Variants in IPO9 observed in about 807,000 individuals in gnomAD.
The protein encoded by IPO9 is importin 9.
Under a neutral mutation model 128.6 loss-of-function variants are expected in IPO9, and 28 were observed. That is an observed-to-expected ratio of 0.22 (90% CI 0.16 to 0.30). The LOEUF (loss-of-function observed/expected upper bound fraction) is 0.30, where lower values mean the gene tolerates loss of function less well. Ranked by LOEUF, IPO9 falls within the 10% of genes least tolerant of loss-of-function variation. The probability of loss-of-function intolerance (pLI) is 1.00; values close to 1 mark genes in which losing one functional copy is unlikely to be tolerated. For missense variants in IPO9, 935 were observed against 1,293.9 expected (o/e 0.72, Z 4.26); for synonymous variants, 455 against 475.8 (o/e 0.96, Z 0.57).
chr1:201,829,446 G>A (rs531831215), intron 1 of IPO9, 74 bp downstream of exon 1: 2 of 1,402,712 alleles, frequency 1.4e-6, no homozygotes, highest in East Asian at 6.0e-5. Context: ...ACCGGCTGGG[G>A]ACATGGGGAG....
intron 1 of IPO9, among the ~76,000 whole-genome samples, chr1:201,837,496 C>CT (rs935258189): frequency 1.8e-4 from 27 of 152,248 alleles, no homozygotes; most frequent in African/African-American, 6.3e-4. Flanking sequence ...CTTTTGTGAG[C>CT]TGTGAGCCTC....
chr1:201,837,067 A>G lies in IPO9; in HGVS notation c.163+7695A>G, dbSNP rs1679955917. Among the ~76,000 whole-genome samples the G allele has an allele frequency of 4.6e-5, 7 of 152,346 alleles. 2 individuals carry two copies. Among genetic ancestry groups the G allele is most frequent in the Admixed American group, 4.6e-4 (7 of 15,308 alleles). On this transcript the variant is annotated intron_variant, in intron 1 of 23. Transcript: ENST00000361565. ...CCATCTTAAAATACTTGTTGTAGGTACAGATCCCTTGGCTAACTTGGGTTT... is the reference window on the plus strand; with the variant it reads ...CCATCTTAAAATACTTGTTGTAGGTGCAGATCCCTTGGCTAACTTGGGTTT...
At chr1:201,845,342 G>A (rs1001841874) in intron 1 of IPO9, among the ~76,000 whole-genome samples, 2 of 152,164 alleles carry the variant, frequency 1.3e-5, no homozygotes, top group Non-Finnish European at 2.9e-5. Flanking sequence ...TATTTTGTGG[G>A]TGAGGAAGCT....
rs767682345 is a variant in IPO9, at chr1:201,868,807, G to A, written c.2004+11G>A. The A allele has an allele frequency of 4.6e-4, 14 of 30,526 alleles. No homozygotes were observed. The highest frequency in any genetic ancestry group is 2.0e-3 in the African/African-American group (11 of 5,368). The allele number at this position is 30,526 out of a possible 1,614,324, so 1.9% of individuals were successfully genotyped here. A position where few individuals can be genotyped will look rare whatever the true frequency, so the allele number is the denominator to read the frequency against. ...GCAGGGCTTTGTGCGGTAAGTGGCC[G>A]TGTGTGTGTGTGTGTGTGTGTGAGA... On this transcript the variant is annotated intron_variant, in intron 16 of 23. Coordinates refer to ENST00000361565, the MANE Select transcript of IPO9 (RefSeq NM_018085.5).
chr1:201,848,101 G>T (rs1680152659), intron 3 of IPO9, among the ~76,000 whole-genome samples: 1 of 152,170 alleles, frequency 6.6e-6, no homozygotes. Flanking sequence ...GCTACTAGCT[G>T]CATATGGCTG....
chr1:201,835,844 G>C (rs1679909464), intron 1 of IPO9, among the ~76,000 whole-genome samples: 1 of 152,242 alleles, frequency 6.6e-6, no homozygotes, highest in African/African-American at 2.4e-5. Context: ...GCACAGTGTG[G>C]CTCACTCCTG....
chr1:201,834,782 A>G (rs1256409459), intron 1 of IPO9, among the ~76,000 whole-genome samples: 19 of 152,154 alleles, frequency 1.2e-4, no homozygotes, highest in Non-Finnish European at 2.6e-4. Flanking sequence ...TTCTACCACC[A>G]TTATGTTGAA....
Position 201,878,153 on chromosome 1 carries a change from C to T in IPO9, c.*2099C>T, listed in dbSNP as rs549027903. 5.3e-5 allele frequency: 8 copies of T among 152,362 alleles called. No individual in the cohort carries two copies. The highest frequency in any genetic ancestry group is 1.7e-4 in the African/African-American group (7 of 41,572). 9.4% of individuals were successfully genotyped at this position (152,362 alleles called of 1,614,324 possible). ...GCCAGCCAGGTTCTGAGGCTAACTG[C>T]TTGTGCCCCTGCTGCTTCACATGGC... is the stretch of plus-strand genomic sequence containing the variant. On this transcript the variant is annotated 3_prime_UTR_variant, in exon 24 of 24. Transcript: ENST00000361565.
Position 201,847,580 on chromosome 1 carries a change from T to C in IPO9, c.254T>C (p.Val85Ala). 6.2e-7 allele frequency: 1 copy of C among 1,614,090 alleles called. No individual in the cohort carries two copies. Among genetic ancestry groups the C allele is most frequent in the Non-Finnish European group, 8.5e-7 (1 of 1,179,966 alleles). ...QLASVILKQY[V>A]ETHWCAQSEK... is the part of the protein sequence containing the mutation. ...GCATCAGTCATCTTGAAACAATATG[T>C]GGAGACTCACTGGTGTGCCCAATCA... is the stretch of plus-strand genomic sequence containing the variant. Residue 85 changes from valine (V) to alanine (A), a missense_variant, in exon 3 of 24, where the codon GTG (valine) becomes GCG (alanine). Val to Ala is a moderately conservative substitution (Grantham distance 64). This residue lies in a region of IPO9 where 741 missense variants were observed against 1,019.1 expected (regional missense o/e 0.73). Coordinates refer to ENST00000361565, the MANE Select transcript of IPO9 (RefSeq NM_018085.5).
At chr1:201,848,176 T>C (rs1288158634) in intron 3 of IPO9, among the ~76,000 whole-genome samples, 1 of 152,252 alleles carries the variant, frequency 6.6e-6, no homozygotes, top group Non-Finnish European at 1.5e-5. Flanking sequence ...AAAATGTTAA[T>C]AGCTATGTAT....
At chr1:201,864,139 G>C (rs1482116548) in intron 14 of IPO9, among the ~76,000 whole-genome samples, 3 of 152,084 alleles carry the variant, frequency 2.0e-5, no homozygotes, top group African/African-American at 7.2e-5. Flanking sequence ...AATATCTTAG[G>C]CTCAAACTTA....
Position 201,884,282 on chromosome 1 carries a change from A to G in IPO9, c.*8228A>G, listed in dbSNP as rs868454632. ...ATTGTGAGGATTAAATAAAGTTAAT[A>G]TAACACAAAGCACTTCGTAGTGCTG... On this transcript the variant is annotated 3_prime_UTR_variant, in exon 24 of 24. Transcript: ENST00000361565. The G allele has an allele frequency of 7.9e-5, 12 of 152,372 alleles. No homozygotes were observed. In the South Asian group the frequency reaches 2.3e-3, roughly 29 times the overall value. The allele number at this position is 152,372 out of a possible 1,614,324, so 9.4% of individuals were successfully genotyped here.
At chr1:201,835,487 A>T (rs1296656780) in intron 1 of IPO9, among the ~76,000 whole-genome samples, 3 of 152,242 alleles carry the variant, frequency 2.0e-5, no homozygotes, top group Non-Finnish European at 4.4e-5. Context: ...GGATAGGAAT[A>T]AAGGTATAAT....
Position 201,876,329 on chromosome 1 carries a change from A to G in IPO9, c.*275A>G. The G allele has an allele frequency of 5.4e-6, 3 of 551,272 alleles. No homozygotes were observed. Among genetic ancestry groups the G allele is most frequent in the Middle Eastern group, 5.1e-4 (1 of 1,972 alleles). The allele number at this position is 551,272 out of a possible 1,614,324, so 34.1% of individuals were successfully genotyped here. A position where few individuals can be genotyped will look rare whatever the true frequency, so the allele number is the denominator to read the frequency against. ...CGACTCTACCCCCACCTCTGTTCCT[A>G]GAGCCCTCTGCTGGCGAGTCCAGAA... On this transcript the variant is annotated 3_prime_UTR_variant, in exon 24 of 24. Coordinates refer to ENST00000361565, the MANE Select transcript of IPO9 (RefSeq NM_018085.5).
Position 201,870,971 on chromosome 1 carries a change from TA to T in IPO9, c.2409+115del. 1 of 1,356,418 alleles carries T rather than the reference TA, an allele frequency of 7.4e-7. No individual in the cohort carries two copies. Among genetic ancestry groups the T allele is most frequent in the South Asian group, 1.4e-5 (1 of 70,520 alleles). The allele number at this position is 1,356,418 out of a possible 1,614,324, so 84.0% of individuals were successfully genotyped here. On this transcript the variant is annotated intron_variant, in intron 18 of 23. Coordinates refer to ENST00000361565, the MANE Select transcript of IPO9 (RefSeq NM_018085.5). This position sits in a 1 kb window ranked among gnomAD's most constrained non-coding sequence, Gnocchi z 4.9. ...CCTCTTACTAGCCTTGTAGGACAGT[TA>T]AGTAAAATGGGACCTGTCTGATCTG... is the stretch of plus-strand genomic sequence containing the variant.
Position 201,876,416 on chromosome 1 carries a change from G to A in IPO9, c.*362G>A, listed in dbSNP as rs1246978378. On this transcript the variant is annotated 3_prime_UTR_variant, in exon 24 of 24. Coordinates refer to ENST00000361565, the MANE Select transcript of IPO9 (RefSeq NM_018085.5). Reference sequence around the variant, plus strand: ...ATTTTGCCCCGCCTCAGGAGCGCAGGAAGTCACTACCATTTATATTCTAAA... The same window carrying A: ...ATTTTGCCCCGCCTCAGGAGCGCAGAAAGTCACTACCATTTATATTCTAAA... The A allele has an allele frequency of 2.6e-6, 1 of 380,344 alleles. No homozygotes were observed. Among genetic ancestry groups the A allele is most frequent in the East Asian group, 6.5e-5 (1 of 15,414 alleles). 23.6% of individuals were successfully genotyped at this position (380,344 alleles called of 1,614,324 possible).
At chr1:201,839,398 G>T (rs756742614) in intron 1 of IPO9, among the ~76,000 whole-genome samples, 2 of 151,644 alleles carry the variant, frequency 1.3e-5, no homozygotes, top group Admixed American at 6.6e-5. Context: ...TGTATTTTTC[G>T]TAGAGACGGG....
At chr1:201,843,796 C>G (rs1235703934) in intron 1 of IPO9, among the ~76,000 whole-genome samples, 1 of 143,808 alleles carries the variant, frequency 7.0e-6, no homozygotes, top group African/African-American at 2.6e-5. Context: ...CCACTGCACT[C>G]TAGTCTGGGT....
chr1:201,854,982 TG>T, intron 8 of IPO9, 59 bp downstream of exon 8: 1 of 1,438,680 alleles, frequency 7.0e-7, no homozygotes, highest in South Asian at 1.3e-5. Flanking sequence ...AATCTCGCAC[TG>T]GGTTTCACAT....
Sources: allele counts gnomAD v4.1 joint callset (sites outside exome capture counted in the v4.1 genomes callset), GRCh38; gene constraint gnomAD v4.1.1; regional missense constraint gnomAD v4.1.1; non-coding constraint Gnocchi (gnomAD v3.1); transcripts MANE v1.5; gene names NCBI Gene and HGNC (gene_info 2026-07-23, HGNC 2026-07-21).